Variants in ELOVL2 observed in about 807,000 individuals in gnomAD.
ELOVL2 encodes very long chain fatty acid elongase 2.
A neutral mutation model predicts 37.7 loss-of-function variants in ELOVL2; 38 were observed. That is an observed-to-expected ratio of 1.01 (90% confidence interval 0.78 to 1.32). ELOVL2 has a LOEUF of 1.32. Among genes scored for constraint, ELOVL2 ranks in the 40% most tolerant of loss-of-function variants. ELOVL2 has a pLI of 0.00. For missense variants in ELOVL2, 352 were observed against 363.6 expected, an observed-to-expected ratio of 0.97 and a Z score of 0.26; for synonymous variants, 115 against 122.3, an observed-to-expected ratio of 0.94 and a Z score of 0.40.
Position 11,000,090 on chromosome 6 carries a change from G to C in ELOVL2, c.330C>G (p.Ile110Met), listed in dbSNP as rs777593032. ...TGATTTGCTTCTAGTGGCTCACCCGGATGTCAGCTTCCCCTGCGCTGGTAA... is the reference window on the plus strand; with the variant it reads ...TGATTTGCTTCTAGTGGCTCACCCGCATGTCAGCTTCCCCTGCGCTGGTAA... ...QDLTSAGEAD[I>M]RVAKVLWWYY... is the part of the protein sequence containing the mutation. Residue 110 changes from isoleucine to methionine, a missense_variant, in exon 4 of 8, where the codon ATC becomes ATG. Ile to Met is a conservative substitution (Grantham distance 10). Coordinates refer to ENST00000354666, the MANE Select transcript of ELOVL2 (RefSeq NM_017770.4). 7.4e-6 allele frequency: 12 copies of C among 1,613,912 alleles called. No homozygotes were observed. Among genetic ancestry groups the C allele is most frequent in the Admixed American group, 1.7e-5 (1 of 59,994 alleles).
chr6:10,998,638 T>G (rs1468300948), intron 4 of ELOVL2, among the ~76,000 whole-genome samples: 1 of 152,222 alleles, frequency 6.6e-6, no homozygotes, highest in East Asian at 1.9e-4. Flanking sequence ...ATCCTCTTTT[T>G]GTGATGATCC....
At chr6:11,012,747 C>G (rs536107269) in intron 1 of ELOVL2, among the ~76,000 whole-genome samples, 126 of 152,236 alleles carry the variant, frequency 8.3e-4, no homozygotes, top group Non-Finnish European at 1.6e-3. Flanking sequence ...CATTCCATTC[C>G]TTTATTCATT....
At chr6:11,000,440 A>C (rs1782361379) in intron 3 of ELOVL2, among the ~76,000 whole-genome samples, 1 of 152,192 alleles carries the variant, frequency 6.6e-6, no homozygotes, top group African/African-American at 2.4e-5. Flanking sequence ...TGATTCACAA[A>C]ATTTTATGTA....
intron 2 of ELOVL2, 137 bp downstream of exon 2, chr6:11,010,609 A>G: frequency 2.8e-6 from 2 of 722,064 alleles, no homozygotes; most frequent in Non-Finnish European, 4.7e-6. Context: ...AGGATATCAA[A>G]GTTGAGGAAG....
At chr6:11,026,493 G>A (rs746327646) in intron 1 of ELOVL2, among the ~76,000 whole-genome samples, 22 of 152,140 alleles carry the variant, frequency 1.4e-4, no homozygotes, top group Non-Finnish European at 3.1e-4. Context: ...TATAACAGGA[G>A]AGGCAAGCAG....
At chr6:10,984,969 T>C (rs1782021369) in intron 7 of ELOVL2, among the ~76,000 whole-genome samples, 2 of 152,316 alleles carry the variant, frequency 1.3e-5, no homozygotes, top group Middle Eastern at 6.8e-3. Flanking sequence ...TAGTTTACAG[T>C]GTAAACACCA....
chr6:11,017,677 A>G (rs1581875033), intron 1 of ELOVL2, among the ~76,000 whole-genome samples: 2 of 152,332 alleles, frequency 1.3e-5, no homozygotes, highest in East Asian at 3.9e-4. Flanking sequence ...CCTAGTTACC[A>G]AAGAAGAGGG....
intron 1 of ELOVL2, among the ~76,000 whole-genome samples, chr6:11,017,012 A>G (rs1782694156): frequency 6.6e-6 from 1 of 152,190 alleles, no homozygotes; most frequent in African/African-American, 2.4e-5. Flanking sequence ...GGGTGAGGGT[A>G]GGCAATGGGT....
At chr6:11,010,839 T>TG (rs750259705) in intron 1 of ELOVL2, 30 bp from the exon 2 acceptor site, 10 of 1,567,500 alleles carry the variant, frequency 6.4e-6, no homozygotes, top group Middle Eastern at 3.5e-4. Context: ...ATGATTTAAG[T>TG]GTTTTTTTCT....
chr6:10,990,446 T>C lies in ELOVL2; in HGVS notation c.506-4A>G, dbSNP rs750623282. 42 of 1,582,684 alleles carry C rather than the reference T, an allele frequency of 2.7e-5. No individual in the cohort carries two copies. In the South Asian group the frequency reaches 4.5e-4, roughly 17 times the overall value. ...TTCAGTGTTGGTCCAAAGAAACCTA[T>C]AAAAGTACAGTATAAAAATCACTAT... On this transcript the variant is annotated splice_region_variant and splice_polypyrimidine_tract_variant and intron_variant, in intron 5 of 7. Coordinates refer to ENST00000354666, the MANE Select transcript of ELOVL2 (RefSeq NM_017770.4).
chr6:11,017,519 C>T (rs1436243709), intron 1 of ELOVL2, among the ~76,000 whole-genome samples: 1 of 152,150 alleles, frequency 6.6e-6, no homozygotes, highest in African/African-American at 2.4e-5. Flanking sequence ...ACAGGACAGT[C>T]CCATTCAATT....
At chr6:11,005,978 G>C (rs1248607424) in intron 2 of ELOVL2, among the ~76,000 whole-genome samples, 2 of 152,154 alleles carry the variant, frequency 1.3e-5, no homozygotes, top group Non-Finnish European at 2.9e-5. Flanking sequence ...GTCAGGATTT[G>C]AACCAGTCAC....
At chr6:11,001,366 G>T (rs957154812) in intron 3 of ELOVL2, among the ~76,000 whole-genome samples, 2 of 152,152 alleles carry the variant, frequency 1.3e-5, no homozygotes, top group Non-Finnish European at 2.9e-5. Context: ...CTACAAATCA[G>T]GTCATTTCCC....
chr6:11,029,378 TATAAA>T (rs1363490045), intron 1 of ELOVL2, among the ~76,000 whole-genome samples: 1 of 152,220 alleles, frequency 6.6e-6, no homozygotes, highest in Admixed American at 6.5e-5. Flanking sequence ...CTTCATTCTC[TATAAA>T]ATGAGAATTA....
intron 1 of ELOVL2, among the ~76,000 whole-genome samples, chr6:11,019,101 T>C (rs1782727493): frequency 1.3e-5 from 2 of 152,216 alleles, no homozygotes; most frequent in Admixed American, 1.3e-4. Context: ...ATTCAGACAC[T>C]ACATCAGCTA....
intron 7 of ELOVL2, among the ~76,000 whole-genome samples, 182 bp downstream of exon 7, chr6:10,989,521 C>T (rs1006838493): frequency 2.6e-5 from 4 of 152,112 alleles, no homozygotes; most frequent in African/African-American, 9.7e-5. Flanking sequence ...GGCCTCTAAT[C>T]CCAACTACTT....
rs1782558334 is a variant in ELOVL2 at position 11,010,693 on chromosome 6, ATG to A, written c.67+51_67+52del. On this transcript the variant is annotated intron_variant, in intron 2 of 7. Transcript: ENST00000354666. ...TAACATAATCCCTTTCTATAACTAA[ATG>A]GTGTTCTTCCTGTGTTCCTTCCACA... is the stretch of plus-strand genomic sequence containing the variant. 3 of 1,354,814 alleles carry A rather than the reference ATG, an allele frequency of 2.2e-6. No individual in the cohort carries two copies. The Admixed American group carries it at 5.2e-5, about 23-fold the overall frequency. 83.9% of individuals were successfully genotyped at this position (1,354,814 alleles called of 1,614,324 possible).
chr6:11,006,013 C>T (rs1270272880), intron 2 of ELOVL2, among the ~76,000 whole-genome samples: 1 of 152,202 alleles, frequency 6.6e-6, no homozygotes, highest in Non-Finnish European at 1.5e-5. Flanking sequence ...CCCATGATAC[C>T]TTGCAGCTGT....
At chr6:10,996,003 C>T (rs576422006) in intron 4 of ELOVL2, among the ~76,000 whole-genome samples, 6 of 152,286 alleles carry the variant, frequency 3.9e-5, no homozygotes, top group African/African-American at 7.2e-5. Flanking sequence ...AGATGTTATT[C>T]ATCCTTGCTA....
Sources: allele counts gnomAD v4.1 joint callset (sites outside exome capture counted in the v4.1 genomes callset), GRCh38; gene constraint gnomAD v4.1.1; transcripts MANE v1.5; gene names NCBI Gene and HGNC (gene_info 2026-07-23, HGNC 2026-07-21).